CAMKMT: variants seen among roughly 807,000 people sequenced by gnomAD.
CAMKMT encodes the protein CaM KMT.
A neutral mutation model predicts 48.0 loss-of-function variants in CAMKMT; 53 were observed. That is an observed-to-expected ratio of 1.10 (90% CI 0.89 to 1.39). The LOEUF is 1.39. Among genes scored for constraint, CAMKMT ranks in the 40% most tolerant of loss-of-function variants. The pLI, the probability that CAMKMT is intolerant of heterozygous loss-of-function variation, is 0.00. For synonymous variants in CAMKMT, 165 were observed against 152.3 expected, an observed-to-expected ratio of 1.08 and a Z score of -0.61; for missense variants, 428 against 402.7, an observed-to-expected ratio of 1.06 and a Z score of -0.54.
At chr2:44,567,478 T>A (rs983271516) in intron 3 of CAMKMT, among the ~76,000 whole-genome samples, 3 of 152,238 alleles carry the variant, frequency 2.0e-5, no homozygotes, top group African/African-American at 7.2e-5. Context: ...AACATCTTGC[T>A]TCTCTCCCAT....
intron 3 of CAMKMT, among the ~76,000 whole-genome samples, chr2:44,494,410 T>C (rs571881369): frequency 2.0e-5 from 3 of 152,216 alleles, no homozygotes; most frequent in Non-Finnish European, 4.4e-5. Context: ...TCACTTTTTT[T>C]CCCCCCTCTT....
intron 3 of CAMKMT, among the ~76,000 whole-genome samples, chr2:44,599,463 T>TA (rs1214032951): frequency 5.3e-5 from 8 of 152,238 alleles, no homozygotes; most frequent in African/African-American, 1.9e-4. Flanking sequence ...AAAATGTAGA[T>TA]ACATCAATAT....
intron 3 of CAMKMT, among the ~76,000 whole-genome samples, chr2:44,413,998 C>T (rs1054481886): frequency 2.0e-5 from 3 of 152,100 alleles, no homozygotes; most frequent in African/African-American, 7.2e-5. Context: ...ATTTAGTAGC[C>T]AGGCTCAGGG....
At chr2:44,377,823 C>T (rs1199597650) in intron 2 of CAMKMT, among the ~76,000 whole-genome samples, 3 of 151,942 alleles carry the variant, frequency 2.0e-5, no homozygotes, top group South Asian at 4.1e-4. Context: ...TGCACTACAC[C>T]GAGATCATAC....
chr2:44,436,089 T>G (rs1161579183), intron 3 of CAMKMT, among the ~76,000 whole-genome samples: 3 of 152,168 alleles, frequency 2.0e-5, no homozygotes, highest in Non-Finnish European at 4.4e-5. Flanking sequence ...TTTTTCTTGT[T>G]TTTTGAGACA....
At chr2:44,379,809 C>G (rs1426659162) in intron 2 of CAMKMT, among the ~76,000 whole-genome samples, 1 of 149,440 alleles carries the variant, frequency 6.7e-6, no homozygotes, top group Admixed American at 6.7e-5. Flanking sequence ...GCACTCCTGT[C>G]TTTGTGTTTT....
intron 3 of CAMKMT, among the ~76,000 whole-genome samples, chr2:44,484,458 C>T (rs978135089): frequency 1.3e-5 from 2 of 151,826 alleles, no homozygotes; most frequent in African/African-American, 4.8e-5. Flanking sequence ...ACATAGGTAG[C>T]ACTGCAAAAC....
At chr2:44,430,317 G>C (rs946917050) in intron 3 of CAMKMT, among the ~76,000 whole-genome samples, 1 of 151,870 alleles carries the variant, frequency 6.6e-6, no homozygotes, top group Non-Finnish European at 1.5e-5. Context: ...GCAAACTGGA[G>C]TCAGGTAATA....
At chr2:44,373,691 A>G (rs375849906) in intron 2 of CAMKMT, among the ~76,000 whole-genome samples, 4 of 152,340 alleles carry the variant, frequency 2.6e-5, no homozygotes, top group African/African-American at 9.6e-5. Context: ...GTATCTTTTT[A>G]TAGTATATGT....
chr2:44,705,715 T>C (rs4145981), intron 4 of CAMKMT, among the ~76,000 whole-genome samples: 30,451 of 152,142 alleles, frequency 0.2, 3,826 homozygotes, highest in East Asian at 0.59. Flanking sequence ...TAAGTGTTAA[T>C]TGCTAAATGC....
intron 3 of CAMKMT, among the ~76,000 whole-genome samples, chr2:44,703,369 T>C (rs1172293609): frequency 6.6e-6 from 1 of 152,152 alleles, no homozygotes; most frequent in African/African-American, 2.4e-5. Context: ...TTTTAGAAAA[T>C]GTCCATCCAT....
rs756439859 is a variant in CAMKMT, at chr2:44,362,115, G to A, written c.108G>A (p.Leu36=). ...GGGGGCCCGTAGTCTCGGCGCCCCT[G>A]GGAGCCGCCCGGTGGAAGCTCCTGC... ...TTRGPVVSAP[L]GAARWKLLRQ... is the part of the protein sequence containing the mutation. Residue 36 remains leucine, a synonymous_variant, in exon 1 of 11, where the codon CTG becomes CTA. Coordinates refer to ENST00000378494, the MANE Select transcript of CAMKMT (RefSeq NM_024766.5). The A allele has an allele frequency of 8.8e-6, 13 of 1,472,912 alleles. No homozygotes were observed. In the South Asian group the frequency reaches 1.1e-4, roughly 12 times the overall value. The allele number at this position is 1,472,912 out of a possible 1,614,324, so 91.2% of individuals were successfully genotyped here. A position where few individuals can be genotyped will look rare whatever the true frequency, so the allele number is the denominator to read the frequency against.
At chr2:44,557,217 A>G (rs1188061557) in intron 3 of CAMKMT, among the ~76,000 whole-genome samples, 1 of 151,928 alleles carries the variant, frequency 6.6e-6, no homozygotes. Context: ...CATCACTTTA[A>G]TCTTACTCAT....
Position 44,449,738 on chromosome 2 carries a change from T to C in CAMKMT, c.376+59433T>C, listed in dbSNP as rs530178603. ...GCAAGGAAATTTCTTCTTTCAACAC[T>C]ATTAACAAGTATCTGACATGAAATA... On this transcript the variant is annotated intron_variant, in intron 3 of 10. Coordinates refer to ENST00000378494, the MANE Select transcript of CAMKMT (RefSeq NM_024766.5). 5.9e-5 allele frequency among the ~76,000 whole-genome samples: 9 copies of C among 152,290 alleles called. No individual in the cohort carries two copies. In the South Asian group the frequency reaches 1.0e-3, roughly 18 times the overall value.
chr2:44,506,718 A>G (rs1243078044), intron 3 of CAMKMT, among the ~76,000 whole-genome samples: 5 of 152,194 alleles, frequency 3.3e-5, no homozygotes, highest in Non-Finnish European at 5.9e-5. Context: ...CAAGAAATCC[A>G]TCTCCTTATA....
chr2:44,672,111 A>T (rs1675366385), intron 3 of CAMKMT, among the ~76,000 whole-genome samples: 1 of 152,172 alleles, frequency 6.6e-6, no homozygotes, highest in Non-Finnish European at 1.5e-5. Context: ...CTCCCCAAAT[A>T]GTCTTGCTTC....
chr2:44,395,936 A>T (rs1681796796), intron 3 of CAMKMT, among the ~76,000 whole-genome samples: 1 of 152,166 alleles, frequency 6.6e-6, no homozygotes, highest in African/African-American at 2.4e-5. Context: ...TACACATATA[A>T]ATCAATATTT....
chr2:44,377,297 A>G (rs1558552355), intron 2 of CAMKMT, among the ~76,000 whole-genome samples: 1 of 152,150 alleles, frequency 6.6e-6, no homozygotes, highest in Admixed American at 6.6e-5. Flanking sequence ...GTAAGCCACT[A>G]TGCCTGGACT....
At chr2:44,617,662 G>T (rs930290350) in intron 3 of CAMKMT, among the ~76,000 whole-genome samples, 1 of 152,222 alleles carries the variant, frequency 6.6e-6, no homozygotes, top group African/African-American at 2.4e-5. Flanking sequence ...TCACTTTGAA[G>T]TTACCTGGAG....
Sources: allele counts gnomAD v4.1 joint callset (sites outside exome capture counted in the v4.1 genomes callset), GRCh38; gene constraint gnomAD v4.1.1; transcripts MANE v1.5; gene names NCBI Gene and HGNC (gene_info 2026-07-23, HGNC 2026-07-21).